The following MID1 variants were observed in gnomAD, a reference collection of about 807,000 sequenced individuals.
MID1 encodes the protein midline 1, also known as E3 ubiquitin-protein ligase Midline-1.
MID1 carries 7 observed loss-of-function variants against 40.4 expected under a neutral mutation model. That is an observed-to-expected ratio of 0.17 (90% CI 0.10 to 0.33). The LOEUF is 0.33. Ranked by LOEUF, MID1 falls within the 10% of genes least tolerant of loss-of-function variation. The pLI is 1.00. For missense variants in MID1, 367 were observed against 558.5 expected (o/e 0.66, Z 3.46); for synonymous variants, 229 against 221.2 (o/e 1.04, Z -0.31).
chrX:10,623,340 A>AAGGGG (rs1569131251), upstream of MID1, among the ~76,000 whole-genome samples: 1 of 110,591 alleles, frequency 9.0e-6, no homozygotes, highest in African/African-American at 3.3e-5. Context: ...GAAGGAAGGG[A>AAGGGG]AAAAGAAAAG....
chrX:10,682,399 C>CTT (rs908973767), intron 1 of MID1, among the ~76,000 whole-genome samples: 15 of 109,544 alleles, frequency 1.4e-4, no homozygotes, highest in Admixed American at 1.3e-3. Flanking sequence ...TGGCAAAGCA[C>CTT]TTTTTCTTTT....
At chrX:10,767,819 T>C (rs1441640129) in intron 1 of MID1, among the ~76,000 whole-genome samples, 6 of 111,935 alleles carry the variant, frequency 5.4e-5, no homozygotes, top group African/African-American at 1.3e-4. Flanking sequence ...ATTTAAGAGT[T>C]TTAATGGTAA....
rs918796790 is a variant in MID1, at chrX:10,505,224, C to G, written c.757-9533G>C. ...TGGTTTTCACTTTCCCCATGATGTC[C>G]TGCTGACTTCTGTCACAATTATAAT... On this transcript the variant is annotated intron_variant, in intron 3 of 9. Coordinates refer to ENST00000317552, the MANE Select transcript of MID1 (RefSeq NM_000381.4). 3 of 372,748 alleles carry G rather than the reference C, an allele frequency of 8.0e-6. No homozygotes were observed. In the African/African-American group the frequency reaches 8.4e-5, roughly 10 times the overall value. 30.7% of individuals were successfully genotyped at this position (372,748 alleles called of 1,213,427 possible).
intron 1 of MID1, among the ~76,000 whole-genome samples, chrX:10,817,030 T>C (rs1267191586): frequency 8.9e-6 from 1 of 112,187 alleles, no homozygotes; most frequent in East Asian, 2.8e-4. Flanking sequence ...GTAGGATATT[T>C]CAAGCCCTTT....
upstream of MID1, among the ~76,000 whole-genome samples, chrX:10,623,548 CT>C (rs756981267): frequency 5.4e-5 from 6 of 111,772 alleles, no homozygotes; most frequent in Non-Finnish European, 1.1e-4. Context: ...TGTAGCAAAC[CT>C]AACATAGGTT....
intron 1 of MID1, among the ~76,000 whole-genome samples, chrX:10,829,871 C>G (rs897552215): frequency 9.0e-6 from 1 of 111,502 alleles, no homozygotes; most frequent in African/African-American, 3.3e-5. Context: ...GAATTGTTAC[C>G]GAAACTTGTA....
chrX:10,593,383 C>G (rs1231159679), intron 1 of MID1, among the ~76,000 whole-genome samples: 1 of 111,590 alleles, frequency 9.0e-6, no homozygotes, highest in Non-Finnish European at 1.9e-5. Flanking sequence ...CAAGACTGGT[C>G]CCAAATGTCC....
chrX:10,752,201 A>T (rs60748800), intron 1 of MID1, among the ~76,000 whole-genome samples: 11,668 of 111,498 alleles, frequency 0.1, 1,478 homozygotes, highest in African/African-American at 0.36. Flanking sequence ...ACCTCTCCAC[A>T]GTGTCCACTC....
intron 1 of MID1, among the ~76,000 whole-genome samples, chrX:10,722,328 T>C (rs1362089433): frequency 1.8e-5 from 2 of 112,230 alleles, no homozygotes; most frequent in East Asian, 5.6e-4. Context: ...TCTAAGGATA[T>C]GAGATGTGCC....
At chrX:10,778,476 AG>A (rs911736759) in intron 1 of MID1, among the ~76,000 whole-genome samples, 8 of 112,162 alleles carry the variant, frequency 7.1e-5, no homozygotes, top group Admixed American at 4.7e-4. Context: ...TAGAAGGAAA[AG>A]GGATTTCTTT....
intron 1 of MID1, among the ~76,000 whole-genome samples, chrX:10,763,155 TTTTA>T (rs766360668): frequency 1.5e-4 from 16 of 110,114 alleles, no homozygotes; most frequent in East Asian, 2.8e-4. Flanking sequence ...TTTTTGCCCT[TTTTA>T]TTTATTTATT....
intron 8 of MID1, 43 bp from the exon 9 acceptor site, chrX:10,455,120 A>ATTGT: frequency 2.7e-6 from 3 of 1,092,373 alleles, no homozygotes; most frequent in Non-Finnish European, 3.8e-6. Flanking sequence ...GAGGAAGAGG[A>ATTGT]TTGTTTATTT....
chrX:10,479,478 C>T (rs188850453), intron 5 of MID1, among the ~76,000 whole-genome samples: 1 of 111,145 alleles, frequency 9.0e-6, no homozygotes, highest in African/African-American at 3.3e-5. Context: ...CCTACCCACC[C>T]CCACTCCCAC....
intron 1 of MID1, among the ~76,000 whole-genome samples, chrX:10,670,343 C>G (rs988613397): frequency 9.0e-6 from 1 of 111,595 alleles, no homozygotes; most frequent in Admixed American, 9.5e-5. Context: ...ATGATTACCA[C>G]AGTGCTTTTT....
chrX:10,575,245 T>C (rs1037774618), intron 1 of MID1, among the ~76,000 whole-genome samples: 2 of 111,952 alleles, frequency 1.8e-5, no homozygotes, highest in East Asian at 5.6e-4. Context: ...TATAGAACTA[T>C]AGGTGAAATA....
At chrX:10,781,146 A>T (rs2147132618) in intron 1 of MID1, among the ~76,000 whole-genome samples, 1 of 112,450 alleles carries the variant, frequency 8.9e-6, no homozygotes, top group Non-Finnish European at 1.9e-5. Context: ...GAGTTAATCA[A>T]AATGACGTTC....
At chrX:10,449,741 A>T in intron 9 of MID1, 25 bp from the exon 10 acceptor site, 1 of 1,080,769 alleles carries the variant, frequency 9.3e-7, no homozygotes, top group Non-Finnish European at 1.3e-6. Flanking sequence ...CAGCAACAAC[A>T]AAAACAATGA....
chrX:10,495,762 T>C (rs1931217103), intron 3 of MID1, 71 bp from the exon 4 acceptor site: 5 of 692,881 alleles, frequency 7.2e-6, no homozygotes, highest in Non-Finnish European at 1.2e-5. Flanking sequence ...TTTTAATGTA[T>C]ACTAGGATGT....
At chrX:10,488,730 T>G (rs6640656) in intron 4 of MID1, among the ~76,000 whole-genome samples, 1 of 110,288 alleles carries the variant, frequency 9.1e-6, no homozygotes, top group Non-Finnish European at 1.9e-5. Flanking sequence ...CACCCTTAAT[T>G]GGGTGGGCAC....
Sources: allele counts gnomAD v4.1 joint callset (sites outside exome capture counted in the v4.1 genomes callset), GRCh38; gene constraint gnomAD v4.1.1; transcripts MANE v1.5; gene names NCBI Gene and HGNC (gene_info 2026-07-23, HGNC 2026-07-21).